ATP8B1: variants seen among roughly 807,000 people sequenced by gnomAD.
ATP8B1 encodes phospholipid-transporting ATPase IC.
Under a neutral mutation model 149.9 loss-of-function variants are expected in ATP8B1, and 80 were observed. The observed-to-expected ratio is 0.53, with a 90% CI of 0.45 to 0.64. ATP8B1 has a LOEUF of 0.64. ATP8B1 is among the 30% of genes least tolerant of loss of function. ATP8B1 has a pLI of 0.00. For missense variants in ATP8B1, 1,247 were observed against 1,552.6 expected (o/e 0.80, Z 3.31); for synonymous variants, 536 against 562.8 (o/e 0.95, Z 0.67).
chr18:57,663,641 T>C (rs56313871), intron 20 of ATP8B1, among the ~76,000 whole-genome samples: 7 of 152,322 alleles, frequency 4.6e-5, no homozygotes, highest in Non-Finnish European at 8.8e-5. Context: ...TGAGGTGTTA[T>C]CTTGCTTTGG....
chr18:57,698,554 C>T lies in ATP8B1; in HGVS notation c.555-687G>A, dbSNP rs143754507. ...TTTACCATATTGGCCAGGCTGGTCTCGAACTCCTGACCTCAGGTGATCCAC... is the reference window on the plus strand; with the variant it reads ...TTTACCATATTGGCCAGGCTGGTCTTGAACTCCTGACCTCAGGTGATCCAC... On this transcript the variant is annotated intron_variant, in intron 6 of 27. Transcript: ENST00000648908. 8.1e-3 allele frequency among the ~76,000 whole-genome samples: 1,232 copies of T among 152,152 alleles called. 15 individuals carry two copies. Among genetic ancestry groups the T allele is most frequent in the African/African-American group, 0.028 (1,165 of 41,508 alleles).
chr18:57,779,061 A>T (rs1182661276), intron 1 of ATP8B1, among the ~76,000 whole-genome samples: 2 of 152,140 alleles, frequency 1.3e-5, no homozygotes, highest in Non-Finnish European at 2.9e-5. Flanking sequence ...AATGGCTCAC[A>T]CTTGTAATTC....
intron 25 of ATP8B1, 45 bp downstream of exon 25, chr18:57,652,439 G>A: frequency 1.2e-6 from 2 of 1,612,728 alleles, no homozygotes; most frequent in Non-Finnish European, 1.7e-6. Context: ...AGAAATATAA[G>A]TAGGTACCAA....
chr18:57,762,242 G>A (rs1223835873), intron 1 of ATP8B1, among the ~76,000 whole-genome samples: 2 of 151,694 alleles, frequency 1.3e-5, no homozygotes, highest in African/African-American at 2.4e-5. Context: ...AGGTTCAAGC[G>A]ATTCTCCTGC....
chr18:57,801,085 A>T (rs1194772477), intron 1 of ATP8B1, among the ~76,000 whole-genome samples: 2 of 152,202 alleles, frequency 1.3e-5, no homozygotes, highest in East Asian at 3.8e-4. Flanking sequence ...CAGTTCTATC[A>T]CTAGGATGTA....
chr18:57,761,944 T>TAAAAAAA (rs71171087), intron 1 of ATP8B1, among the ~76,000 whole-genome samples: 2 of 98,220 alleles, frequency 2.0e-5, no homozygotes, highest in African/African-American at 4.0e-5. Context: ...GCAAGACTGT[T>TAAAAAAA]AAAAAAAAAA....
chr18:57,668,395 A>C (rs1485803725), intron 19 of ATP8B1, 34 bp downstream of exon 19: 1 of 1,530,386 alleles, frequency 6.5e-7, no homozygotes, highest in Non-Finnish European at 9.1e-7. Flanking sequence ...ATATTTGTGA[A>C]TTAACAGATA....
intron 13 of ATP8B1, among the ~76,000 whole-genome samples, chr18:57,687,228 A>C (rs1024707396): frequency 5.9e-5 from 9 of 152,170 alleles, no homozygotes; most frequent in Non-Finnish European, 1.3e-4. Context: ...TGTACCCATT[A>C]AACAGTAACT....
At chr18:57,683,383 A>G (rs1259173594) in intron 15 of ATP8B1, among the ~76,000 whole-genome samples, 1 of 152,228 alleles carries the variant, frequency 6.6e-6, no homozygotes, top group Non-Finnish European at 1.5e-5. Context: ...CATTATGTCC[A>G]TTTGTGATAA....
At chr18:57,663,086 C>T (rs1910590156) in intron 20 of ATP8B1, among the ~76,000 whole-genome samples, 1 of 152,092 alleles carries the variant, frequency 6.6e-6, no homozygotes, top group African/African-American at 2.4e-5. Flanking sequence ...ACAATAACAC[C>T]TCACCTCACT....
chr18:57,788,921 T>G (rs992414906), intron 1 of ATP8B1, among the ~76,000 whole-genome samples: 1 of 152,172 alleles, frequency 6.6e-6, no homozygotes, highest in African/African-American at 2.4e-5. Context: ...ACAGCCCTTT[T>G]AGGAGAATAG....
rs2080251211 is a variant in ATP8B1 at position 57,770,057 on chromosome 18, G to A, written c.-26+32941C>T. 2.1e-5 allele frequency among the ~76,000 whole-genome samples: 3 copies of A among 141,762 alleles called. No individual in the cohort carries two copies. In the Admixed American group the frequency reaches 2.3e-4, roughly 11 times the overall value. 93.0% of individuals were successfully genotyped at this position (141,762 alleles called of 152,430 possible). Reference sequence around the variant, plus strand: ...TCATAAAACCCTCATGCTGAGAACTGCTGAACTGCATTTTTTTTTTTTTTT... The same window carrying A: ...TCATAAAACCCTCATGCTGAGAACTACTGAACTGCATTTTTTTTTTTTTTT... On this transcript the variant is annotated intron_variant, in intron 1 of 27. Transcript: ENST00000648908.
chr18:57,662,465 T>G lies in ATP8B1; in HGVS notation c.2418+18A>C. The G allele has an allele frequency of 1.2e-6, 2 of 1,613,954 alleles. No individual in the cohort carries two copies. The highest frequency in any genetic ancestry group is 1.7e-6 in the Non-Finnish European group (2 of 1,179,890). ...CTTTCTTTTGAGTTAAAGGCACAGATACACTAATGATACGTACCAACCAAG... is the reference window on the plus strand; with the variant it reads ...CTTTCTTTTGAGTTAAAGGCACAGAGACACTAATGATACGTACCAACCAAG... On this transcript the variant is annotated intron_variant, in intron 21 of 27. Transcript: ENST00000648908.
At chr18:57,649,860 G>A (rs550603548) in intron 27 of ATP8B1, among the ~76,000 whole-genome samples, 2 of 152,066 alleles carry the variant, frequency 1.3e-5, no homozygotes, top group Non-Finnish European at 2.9e-5. Context: ...TAATAATGAA[G>A]GTTTCTGAGA....
At chr18:57,697,958 A>G (rs1568201050) in intron 6 of ATP8B1, 91 bp from the exon 7 acceptor site, 1 of 1,219,330 alleles carries the variant, frequency 8.2e-7, no homozygotes, top group Non-Finnish European at 1.2e-6. Flanking sequence ...ATTCTGGAAA[A>G]TATGCAAGTC....
At chr18:57,769,657 A>C (rs143612160) in intron 1 of ATP8B1, among the ~76,000 whole-genome samples, 1 of 152,244 alleles carries the variant, frequency 6.6e-6, no homozygotes, top group African/African-American at 2.4e-5. Flanking sequence ...AATGGCAAGA[A>C]ACGGCCAAAG....
chr18:57,679,850 A>G (rs1029408465), intron 15 of ATP8B1, among the ~76,000 whole-genome samples: 1 of 152,052 alleles, frequency 6.6e-6, no homozygotes, highest in Non-Finnish European at 1.5e-5. Context: ...TGTTTAGTAG[A>G]GGTGGGGTTT....
intron 12 of ATP8B1, among the ~76,000 whole-genome samples, chr18:57,689,316 G>A (rs980497477): frequency 1.3e-5 from 2 of 152,122 alleles, no homozygotes; most frequent in Admixed American, 1.3e-4. Context: ...CTCTCAAACA[G>A]GGCAAAAGGC....
At chr18:57,670,355 CTT>C (rs370444079) in intron 17 of ATP8B1, among the ~76,000 whole-genome samples, 6 of 139,652 alleles carry the variant, frequency 4.3e-5, no homozygotes, top group Non-Finnish European at 3.1e-5. Context: ...TTTTCTTTTT[CTT>C]TTTTTTTTTT....
Sources: allele counts gnomAD v4.1 joint callset (sites outside exome capture counted in the v4.1 genomes callset), GRCh38; gene constraint gnomAD v4.1.1; transcripts MANE v1.5; gene names NCBI Gene and HGNC (gene_info 2026-07-23, HGNC 2026-07-21).